The following BLOC1S5 variants were observed in gnomAD, a reference collection of about 807,000 sequenced individuals.
BLOC1S5 encodes the protein biogenesis of lysosome-related organelles complex 1 subunit 5.
Under a neutral mutation model 24.3 loss-of-function variants are expected in BLOC1S5, and 27 were observed. That is an observed-to-expected ratio of 1.11 (90% confidence interval 0.82 to 1.53). The LOEUF (loss-of-function observed/expected upper bound fraction) is 1.53. Among genes scored for constraint, BLOC1S5 ranks in the 40% most tolerant of loss-of-function variants. The pLI is 0.00. For synonymous variants in BLOC1S5, 84 were observed against 74.5 expected, an observed-to-expected ratio of 1.13 and a Z score of -0.66; for missense variants, 239 against 229.4, an observed-to-expected ratio of 1.04 and a Z score of -0.27.
At chr6:8,034,524 C>T (rs7749651) in intron 3 of BLOC1S5, among the ~76,000 whole-genome samples, 93,561 of 151,928 alleles carry the variant, frequency 0.62, 29,504 homozygotes, top group East Asian at 0.94. Flanking sequence ...AAATACCTAA[C>T]GTAAATGAGT....
chr6:8,050,550 C>T (rs1021628797), intron 2 of BLOC1S5, among the ~76,000 whole-genome samples: 4 of 151,748 alleles, frequency 2.6e-5, no homozygotes, highest in Admixed American at 1.3e-4. Flanking sequence ...GCAGGATGAA[C>T]GCGAGGCCTT....
At chr6:8,052,418 C>T (rs1240412304) in intron 2 of BLOC1S5, among the ~76,000 whole-genome samples, 1 of 152,166 alleles carries the variant, frequency 6.6e-6, no homozygotes, top group Non-Finnish European at 1.5e-5. Flanking sequence ...GGAAAGGATT[C>T]ACCATTCTAG....
At chr6:8,043,953 C>T (rs1763782504) in intron 2 of BLOC1S5, among the ~76,000 whole-genome samples, 1 of 152,102 alleles carries the variant, frequency 6.6e-6, no homozygotes, top group South Asian at 2.1e-4. Context: ...TCCACTTTTG[C>T]TTCTTCCTCA....
intron 3 of BLOC1S5, among the ~76,000 whole-genome samples, chr6:8,030,687 C>T (rs545430477): frequency 2.0e-5 from 3 of 151,134 alleles, no homozygotes; most frequent in Non-Finnish European, 4.4e-5. Flanking sequence ...GCCTGAACAA[C>T]ATGGTGAAAC....
intron 2 of BLOC1S5, among the ~76,000 whole-genome samples, chr6:8,044,503 T>C (rs1308318740): frequency 6.6e-6 from 1 of 152,052 alleles, no homozygotes; most frequent in Non-Finnish European, 1.5e-5. Flanking sequence ...GAAGCAACTT[T>C]GGAAATGAGT....
chr6:8,024,284 G>A (rs1763032512), intron 4 of BLOC1S5, among the ~76,000 whole-genome samples: 1 of 151,922 alleles, frequency 6.6e-6, no homozygotes, highest in African/African-American at 2.4e-5. Flanking sequence ...CCAGCACTTT[G>A]GGAGGCCGAG....
Position 8,015,619 on chromosome 6 carries a change from A to G in BLOC1S5, c.*30T>C, listed in dbSNP as rs1762703980. On this transcript the variant is annotated 3_prime_UTR_variant, in exon 5 of 5. Coordinates refer to ENST00000397457, the MANE Select transcript of BLOC1S5 (RefSeq NM_201280.3). ...TCAGGAGAGAGGTGAACATCTTCTC[A>G]TTAGTTTGTGATTGTTGTGGTTCAA... 5 of 1,595,608 alleles carry G rather than the reference A, an allele frequency of 3.1e-6. No homozygotes were observed. The highest frequency in any genetic ancestry group is 2.2e-5 in the East Asian group (1 of 44,738).
chr6:8,054,358 G>A, intron 2 of BLOC1S5: 1 of 381,808 alleles, frequency 2.6e-6, no homozygotes, highest in East Asian at 8.5e-5. Context: ...CTTTAACTAT[G>A]GTTTAGTCTT....
chr6:8,062,414 T>G, intron 2 of BLOC1S5, 120 bp downstream of exon 2: 1 of 643,192 alleles, frequency 1.6e-6, no homozygotes, highest in Non-Finnish European at 2.6e-6. Flanking sequence ...CATTTTTACT[T>G]TGTATATTTT....
intron 3 of BLOC1S5, among the ~76,000 whole-genome samples, chr6:8,033,160 G>A (rs946796703): frequency 6.6e-5 from 10 of 152,140 alleles, no homozygotes; most frequent in East Asian, 1.9e-4. Context: ...AAAAGAGCCT[G>A]CATTGCCAAG....
chr6:8,051,115 G>A (rs1764091620), intron 2 of BLOC1S5, among the ~76,000 whole-genome samples: 1 of 151,488 alleles, frequency 6.6e-6, no homozygotes, highest in South Asian at 2.1e-4. Context: ...TTGAACCTGG[G>A]AGGTGGAGGC....
intron 2 of BLOC1S5, among the ~76,000 whole-genome samples, chr6:8,056,165 A>AC (rs1764298515): frequency 6.6e-6 from 1 of 152,174 alleles, no homozygotes; most frequent in South Asian, 2.1e-4. Context: ...TGAGCCAAAT[A>AC]CATTTCTCCT....
In BLOC1S5 at chr6:8,015,468, T is replaced by C. The variant is rs1489146574; in HGVS notation, c.*181A>G. 8 of 584,332 alleles carry C rather than the reference T, an allele frequency of 1.4e-5. No individual in the cohort carries two copies. The highest frequency in any genetic ancestry group is 2.3e-5 in the Non-Finnish European group (8 of 347,942). 36.2% of individuals were successfully genotyped at this position (584,332 alleles called of 1,614,324 possible). A position where few individuals can be genotyped will look rare whatever the true frequency, so the allele number is the denominator to read the frequency against. ...ATATAGGCACTTAAAGCTGGAAAAA[T>C]GTGGCACCCTTCTTTAAATATCCAA... On this transcript the variant is annotated 3_prime_UTR_variant, in exon 5 of 5. Transcript: ENST00000397457.
intron 4 of BLOC1S5, among the ~76,000 whole-genome samples, chr6:8,023,981 A>G (rs1763019610): frequency 6.6e-6 from 1 of 152,218 alleles, no homozygotes; most frequent in African/African-American, 2.4e-5. Context: ...TATTGCTCCA[A>G]TAAGAATGTA....
chr6:8,047,864 C>T (rs1315750116), intron 2 of BLOC1S5, among the ~76,000 whole-genome samples: 2 of 152,182 alleles, frequency 1.3e-5, no homozygotes, highest in Non-Finnish European at 2.9e-5. Context: ...TGTTTACTAG[C>T]AGAAATACTC....
intron 3 of BLOC1S5, among the ~76,000 whole-genome samples, chr6:8,039,260 T>C (rs538268520): frequency 6.6e-6 from 1 of 151,958 alleles, no homozygotes; most frequent in East Asian, 1.9e-4. Flanking sequence ...ATATAGAGAG[T>C]AGACTGGTAG....
intron 4 of BLOC1S5, among the ~76,000 whole-genome samples, chr6:8,023,406 A>G (rs2113522144): frequency 1.3e-5 from 2 of 152,332 alleles, no homozygotes; most frequent in South Asian, 4.1e-4. Context: ...CCTGACCAAC[A>G]TGGTGAAACC....
At chr6:8,042,463 G>C (rs987904831) in intron 2 of BLOC1S5, among the ~76,000 whole-genome samples, 1 of 152,174 alleles carries the variant, frequency 6.6e-6, no homozygotes, top group African/African-American at 2.4e-5. Context: ...AGTTTCCTCC[G>C]TTGGTATAAA....
In BLOC1S5 at chr6:8,027,014, G is replaced by C. The variant is rs1581400805; in HGVS notation, c.326-589C>G. On this transcript the variant is annotated intron_variant, in intron 3 of 4. Coordinates refer to ENST00000397457, the MANE Select transcript of BLOC1S5 (RefSeq NM_201280.3). Reference sequence around the variant, plus strand: ...CAGAGAGGTGACGCTGTCAATCAAGGAGGTTATAAAACTAATAAGTACAGG... The same window carrying C: ...CAGAGAGGTGACGCTGTCAATCAAGCAGGTTATAAAACTAATAAGTACAGG... 3.3e-5 allele frequency among the ~76,000 whole-genome samples: 5 copies of C among 152,294 alleles called. 1 individual carries two copies. Among genetic ancestry groups the C allele is most frequent in the Middle Eastern group, 6.8e-3 (2 of 294 alleles).
Sources: gnomAD v4.1 joint callset for allele counts (sites outside exome capture counted in the v4.1 genomes callset) on GRCh38, gnomAD v4.1.1 for gene constraint, MANE v1.5 for transcripts, NCBI Gene and HGNC (gene_info 2026-07-23, HGNC 2026-07-21) for gene names.